The following RERE variants were observed in gnomAD, a reference collection of about 807,000 sequenced individuals.
RERE encodes arginine-glutamic acid dipeptide repeats, also known as arginine-glutamic acid dipeptide repeats protein.
RERE carries 40 observed loss-of-function variants against 146.1 expected under a neutral mutation model. The observed-to-expected ratio is 0.27, with a 90% CI of 0.21 to 0.36. RERE has a LOEUF of 0.36. Ranked by LOEUF, RERE falls within the 10% of genes least tolerant of loss-of-function variation. The probability of loss-of-function intolerance (pLI) is 1.00; values close to 1 mark genes in which losing one functional copy is unlikely to be tolerated. For missense variants in RERE, 1,933 were observed against 2,138.7 expected, an observed-to-expected ratio of 0.90 and a Z score of 1.90; for synonymous variants, 1,003 against 866.0, an observed-to-expected ratio of 1.16 and a Z score of -2.78.
At chr1:8,777,196 C>A (rs1641080583) in intron 1 of RERE, among the ~76,000 whole-genome samples, 1 of 152,178 alleles carries the variant, frequency 6.6e-6, no homozygotes, top group Non-Finnish European at 1.5e-5. Flanking sequence ...TACACGGCAA[C>A]CTACTTAAAA....
Position 8,511,769 on chromosome 1 carries a change from TTTTC to T in RERE, c.831-3098_831-3095del, listed in dbSNP as rs1318120915. The T allele has an allele frequency of 5.9e-5, 9 of 151,498 alleles. No individual in the cohort carries two copies. The South Asian group carries it at 1.9e-3, about 32-fold the overall frequency. 9.4% of individuals were successfully genotyped at this position (151,498 alleles called of 1,614,324 possible). A position where few individuals can be genotyped will look rare whatever the true frequency, so the allele number is the denominator to read the frequency against. ...TGCTGCCGCACTGCTCTCCTCTCTT[TTTTC>T]TTTTTCTTTTTTTTTTTTTTATCCT... is the stretch of plus-strand genomic sequence containing the variant. On this transcript the variant is annotated intron_variant, in intron 7 of 22. Transcript: ENST00000400908.
chr1:8,732,431 A>G (rs1371862871), intron 1 of RERE, among the ~76,000 whole-genome samples: 1 of 152,230 alleles, frequency 6.6e-6, no homozygotes, highest in African/African-American at 2.4e-5. Context: ...CTTTAAAAGG[A>G]ACTTCAACTT....
At chr1:8,697,601 G>T (rs1270021805) in intron 1 of RERE, among the ~76,000 whole-genome samples, 3 of 152,116 alleles carry the variant, frequency 2.0e-5, no homozygotes, top group African/African-American at 7.2e-5. Context: ...ATGTTAGCCA[G>T]GACGGTCTCG....
chr1:8,510,392 G>A (rs973338359), intron 7 of RERE, among the ~76,000 whole-genome samples: 8 of 152,084 alleles, frequency 5.3e-5, no homozygotes, highest in South Asian at 2.1e-4. Flanking sequence ...AGGGAGGGGC[G>A]GTGACAGGGA....
chr1:8,798,640 G>T, intron 1 of RERE: 1 of 218,020 alleles, frequency 4.6e-6, no homozygotes, highest in South Asian at 8.4e-5. Flanking sequence ...CCCACAAACT[G>T]ACAGCTGTTG....
intron 4 of RERE, among the ~76,000 whole-genome samples, chr1:8,613,358 C>T (rs1646814018): frequency 6.6e-6 from 1 of 152,166 alleles, no homozygotes; most frequent in Non-Finnish European, 1.5e-5. Context: ...TGACGTCCTG[C>T]GGGTCATCTT....
rs868077184 is a variant in RERE, at chr1:8,388,465, G to A, written c.1285-22491C>T. Among the ~76,000 whole-genome samples the A allele has an allele frequency of 3.8e-4, 58 of 152,044 alleles. 1 individual carries two copies. The highest frequency in any genetic ancestry group is 2.0e-4 in the Admixed American group (3 of 15,270). On this transcript the variant is annotated intron_variant, in intron 12 of 22. Coordinates refer to ENST00000400908, the MANE Select transcript of RERE (RefSeq NM_001042681.2). ...CTCCTGAGTAGCTGGGACTACAGGC[G>A]CCCGCCACCGCGCCCGGCTAATTTT...
Position 8,353,035 on chromosome 1 carries a change from G to A in RERE, c.*2052C>T, listed in dbSNP as rs1007134144. On this transcript the variant is annotated 3_prime_UTR_variant, in exon 23 of 23. Transcript: ENST00000400908. ...TGGGGGCCTGGATGCAGGAGTCTGGGAGCCCAGCAGGAAGAGGCCTCGCTC... is the reference window on the plus strand; with the variant it reads ...TGGGGGCCTGGATGCAGGAGTCTGGAAGCCCAGCAGGAAGAGGCCTCGCTC... 2 of 152,496 alleles carry A rather than the reference G, an allele frequency of 1.3e-5. No individual in the cohort carries two copies. Among genetic ancestry groups the A allele is most frequent in the African/African-American group, 4.8e-5 (2 of 41,446 alleles). The allele number at this position is 152,496 out of a possible 1,614,324, so 9.4% of individuals were successfully genotyped here.
intron 1 of RERE, among the ~76,000 whole-genome samples, chr1:8,723,609 C>A (rs1322715088): frequency 2.0e-5 from 3 of 152,094 alleles, no homozygotes; most frequent in Admixed American, 6.6e-5. Context: ...CTTAGGCAGG[C>A]TCAACAGAAC....
intron 1 of RERE, among the ~76,000 whole-genome samples, chr1:8,670,409 C>T (rs150706995): frequency 1.3e-5 from 2 of 152,254 alleles, no homozygotes; most frequent in East Asian, 3.9e-4. Context: ...GGAGCTATGT[C>T]CAGAACACAC....
chr1:8,600,864 C>G (rs1484559006), intron 4 of RERE, among the ~76,000 whole-genome samples: 1 of 151,210 alleles, frequency 6.6e-6, no homozygotes, highest in African/African-American at 2.4e-5. Flanking sequence ...ACACCATTCT[C>G]CTGCCTCAGC....
At chr1:8,770,828 A>C (rs1569758657) in intron 1 of RERE, among the ~76,000 whole-genome samples, 1 of 152,358 alleles carries the variant, frequency 6.6e-6, no homozygotes, top group African/African-American at 2.4e-5. Flanking sequence ...GATATTGACA[A>C]GGATGTTAAC....
intron 4 of RERE, among the ~76,000 whole-genome samples, chr1:8,588,697 T>C (rs1212032896): frequency 1.3e-5 from 2 of 152,256 alleles, no homozygotes; most frequent in East Asian, 3.8e-4. Context: ...GAAATACTTT[T>C]GATCATGAAC....
chr1:8,748,106 T>C (rs1640459950), intron 1 of RERE, among the ~76,000 whole-genome samples: 2 of 152,168 alleles, frequency 1.3e-5, no homozygotes, highest in Non-Finnish European at 2.9e-5. Flanking sequence ...TAAGTAGTTG[T>C]ATACAACTAC....
At chr1:8,500,904 G>C (rs532829930) in intron 8 of RERE, among the ~76,000 whole-genome samples, 2 of 150,396 alleles carry the variant, frequency 1.3e-5, no homozygotes, top group Admixed American at 6.6e-5. Flanking sequence ...TGGCCGCCCC[G>C]TCTGAGAAGT....
chr1:8,530,653 T>C (rs1278534091), intron 7 of RERE, among the ~76,000 whole-genome samples: 2 of 151,474 alleles, frequency 1.3e-5, no homozygotes, highest in Non-Finnish European at 2.9e-5. Flanking sequence ...CCCGCATATC[T>C]AGACATGGAA....
intron 6 of RERE, 105 bp downstream of exon 6, chr1:8,556,370 G>A (rs1431952365): frequency 1.9e-5 from 13 of 682,552 alleles, no homozygotes; most frequent in South Asian, 1.3e-4. Flanking sequence ...CAAAAGAGGA[G>A]TCTGATTAAT....
intron 7 of RERE, among the ~76,000 whole-genome samples, chr1:8,533,906 TG>T (rs1645690106): frequency 1.3e-5 from 2 of 152,250 alleles, no homozygotes; most frequent in African/African-American, 4.8e-5. Flanking sequence ...AACAGGCTTT[TG>T]TCCTGTTTTA....
chr1:8,396,190 G>T (rs1044549524), intron 12 of RERE, among the ~76,000 whole-genome samples: 13 of 152,158 alleles, frequency 8.5e-5, no homozygotes, highest in African/African-American at 2.9e-4. Context: ...AAAGTGGGAG[G>T]GGGGAAGGGC....
Sources: allele counts gnomAD v4.1 joint callset (sites outside exome capture counted in the v4.1 genomes callset), GRCh38; gene constraint gnomAD v4.1.1; transcripts MANE v1.5; gene names NCBI Gene and HGNC (gene_info 2026-07-23, HGNC 2026-07-21).